Variants in XRN1 observed in about 807,000 individuals in gnomAD.
The protein encoded by XRN1 is 5'-3' exoribonuclease 1, also known as strand-exchange protein 1 homolog.
In XRN1, 67 loss-of-function variants were observed where a neutral mutation model predicts 222.3. The observed-to-expected ratio is 0.30, with a 90% CI of 0.25 to 0.37. The LOEUF (loss-of-function observed/expected upper bound fraction) is 0.37, where lower values mean the gene tolerates loss of function less well. Ranked by LOEUF, XRN1 falls within the 10% of genes least tolerant of loss-of-function variation. XRN1 has a pLI of 1.00. For missense variants in XRN1, 1,707 were observed against 2,000.2 expected, an observed-to-expected ratio of 0.85 and a Z score of 2.80; for synonymous variants, 643 against 652.4, an observed-to-expected ratio of 0.99 and a Z score of 0.22.
intron 36 of XRN1, among the ~76,000 whole-genome samples, chr3:142,330,395 T>A (rs2065660735): frequency 6.6e-6 from 1 of 152,170 alleles, no homozygotes; most frequent in Non-Finnish European, 1.5e-5. Context: ...ATTTTAAAAT[T>A]CTGAGTGTTC....
intron 15 of XRN1, 105 bp downstream of exon 15, chr3:142,412,439 T>C (rs1161317203): frequency 3.7e-6 from 5 of 1,354,374 alleles, no homozygotes; most frequent in South Asian, 2.4e-5. Context: ...CTAAATCTCA[T>C]TAACAAAACA....
rs995857946 is a variant in XRN1 at position 142,354,556 on chromosome 3, T to C, written c.3768+845A>G. Among the ~76,000 whole-genome samples the C allele has an allele frequency of 7.2e-5, 11 of 152,192 alleles. No homozygotes were observed. In the East Asian group the frequency reaches 7.7e-4, roughly 11 times the overall value. On this transcript the variant is annotated intron_variant, in intron 32 of 40. Coordinates refer to ENST00000392981, the MANE Select transcript of XRN1 (RefSeq NM_001282857.2). ...GCTTATCAATGGTAGATAAGACTGA[T>C]TGATTAACTGATTGATTTAGAGACT...
intron 33 of XRN1, among the ~76,000 whole-genome samples, chr3:142,345,529 G>C (rs747167567): frequency 1.3e-5 from 2 of 152,072 alleles, no homozygotes; most frequent in Non-Finnish European, 2.9e-5. Flanking sequence ...AGCAACCAAA[G>C]ACAAAGCAGA....
At chr3:142,435,602 A>G (rs190517848) in intron 1 of XRN1, among the ~76,000 whole-genome samples, 6 of 151,966 alleles carry the variant, frequency 3.9e-5, no homozygotes, top group Admixed American at 3.9e-4. Context: ...TACCAAAAAT[A>G]CAAAAATTAG....
At chr3:142,417,331 T>C (rs1193806310) in intron 12 of XRN1, 102 bp from the exon 13 acceptor site, 7 of 899,272 alleles carry the variant, frequency 7.8e-6, no homozygotes, top group Admixed American at 2.4e-5. Flanking sequence ...AGATGATTTA[T>C]TTAATCAATG....
chr3:142,326,232 T>C (rs986540590), intron 37 of XRN1, among the ~76,000 whole-genome samples: 3 of 151,994 alleles, frequency 2.0e-5, no homozygotes, highest in African/African-American at 7.2e-5. Flanking sequence ...TGCAGATTGC[T>C]TGGGGGTGGT....
chr3:142,391,455 T>C (rs1280019437), intron 20 of XRN1, among the ~76,000 whole-genome samples: 3 of 152,134 alleles, frequency 2.0e-5, no homozygotes, highest in African/African-American at 7.2e-5. Flanking sequence ...TTAGCCAGAC[T>C]TGGTGGCTCA....
At chr3:142,344,212 A>G (rs536621210) in intron 33 of XRN1, among the ~76,000 whole-genome samples, 8 of 152,286 alleles carry the variant, frequency 5.3e-5, no homozygotes, top group Non-Finnish European at 8.8e-5. Flanking sequence ...TATATTTTTA[A>G]ATAAATAAGA....
chr3:142,361,963 CTTTT>C (rs71153961), intron 29 of XRN1, among the ~76,000 whole-genome samples: 2 of 51,678 alleles, frequency 3.9e-5, no homozygotes, highest in Non-Finnish European at 6.6e-5. Flanking sequence ...CTTTTTCTCT[CTTTT>C]TTTTTTTTTT....
chr3:142,424,347 C>T (rs1380204287), intron 5 of XRN1, among the ~76,000 whole-genome samples: 3 of 152,174 alleles, frequency 2.0e-5, no homozygotes, highest in Admixed American at 6.5e-5. Context: ...CTGGCCGCCT[C>T]GGCCTCCCAA....
At chr3:142,429,319 T>C (rs1329322203) in intron 2 of XRN1, among the ~76,000 whole-genome samples, 3 of 151,806 alleles carry the variant, frequency 2.0e-5, no homozygotes, top group Non-Finnish European at 4.4e-5. Context: ...GCTAATTGTT[T>C]TTGTATTTTT....
intron 30 of XRN1, 135 bp downstream of exon 30, chr3:142,359,727 C>T (rs993561651): frequency 1.8e-6 from 1 of 550,472 alleles, no homozygotes; most frequent in Non-Finnish European, 3.1e-6. Context: ...CTGCCTTATT[C>T]AGTGTTACAT....
intron 23 of XRN1, 65 bp from the exon 24 acceptor site, chr3:142,376,659 T>C (rs933012586): frequency 3.3e-6 from 4 of 1,194,600 alleles, no homozygotes; most frequent in Non-Finnish European, 3.6e-6. Flanking sequence ...GTTATTTCTT[T>C]ACCTTTAAAA....
Position 142,405,036 on chromosome 3 carries a change from A to G in XRN1, c.1754T>C (p.Leu585Pro). The G allele has an allele frequency of 6.2e-7, 1 of 1,613,924 alleles. No individual in the cohort carries two copies. The highest frequency in any genetic ancestry group is 8.5e-7 in the Non-Finnish European group (1 of 1,179,886). Residue 585 changes from leucine to proline, a missense_variant, in exon 16 of 41, where the codon CTC (leucine) becomes CCC (proline). Transcript: ENST00000392981. ...LEAMETCNHSLKKEERKRNQH... is the reference protein window; with the variant it reads ...LEAMETCNHSPKKEERKRNQH... ...GTTTCTTTTCCTCTCTTCCTTTTTG[A>G]GGGAGTGGTTACATGTCTCCATGGC...
At chr3:142,421,669 T>A (rs11720762) in intron 8 of XRN1, 126 bp from the exon 9 acceptor site, 4 of 576,628 alleles carry the variant, frequency 6.9e-6, no homozygotes, top group Admixed American at 3.9e-5. Flanking sequence ...AAAACAGTGT[T>A]GGACTATATC....
Position 142,421,482 on chromosome 3 carries a change from T to A in XRN1, c.1029A>T (p.Leu343=), listed in dbSNP as rs1445454073. The stretch of plus-strand genomic sequence containing the variant: ...AAAATTTCTAGTTACTTACATCTGA[T>A]AGTTTCACAAGGTATTTCTCAAATC... ...LPRFEKYLVK[L]SDFDREHFSE... The change falls in exon 9 of 41, where the codon CTA becomes CTT. Residue 343 remains leucine (L), a synonymous_variant. Coordinates refer to ENST00000392981, the MANE Select transcript of XRN1 (RefSeq NM_001282857.2). The A allele has an allele frequency of 1.2e-6, 2 of 1,607,934 alleles. No homozygotes were observed. Among genetic ancestry groups the A allele is most frequent in the Non-Finnish European group, 8.5e-7 (1 of 1,177,386 alleles).
intron 34 of XRN1, among the ~76,000 whole-genome samples, chr3:142,333,359 TATTAAAA>T (rs2065758020): frequency 6.6e-6 from 1 of 152,336 alleles, no homozygotes; most frequent in East Asian, 1.9e-4. Context: ...TTCTAAAGTC[TATTAAAA>T]AAGTAAGAAT....
At chr3:142,359,608 C>T (rs1426555426) in intron 30 of XRN1, among the ~76,000 whole-genome samples, 1 of 152,130 alleles carries the variant, frequency 6.6e-6, no homozygotes, top group Non-Finnish European at 1.5e-5. Context: ...TAAAAACCTG[C>T]ACTTCTTCCT....
At chr3:142,324,134 T>C (rs928228136) in intron 37 of XRN1, among the ~76,000 whole-genome samples, 4 of 151,974 alleles carry the variant, frequency 2.6e-5, no homozygotes, top group African/African-American at 9.7e-5. Context: ...TTAGGGTACA[T>C]GTGCACAACG....
Sources: allele counts gnomAD v4.1 joint callset (sites outside exome capture counted in the v4.1 genomes callset), GRCh38; gene constraint gnomAD v4.1.1; transcripts MANE v1.5; gene names NCBI Gene and HGNC (gene_info 2026-07-23, HGNC 2026-07-21).